Variants in PPP3CC observed in about 807,000 individuals in gnomAD.
PPP3CC encodes serine/threonine-protein phosphatase 2B catalytic subunit gamma isoform.
PPP3CC carries 35 observed loss-of-function variants against 60.3 expected under a neutral mutation model. That is an observed-to-expected ratio of 0.58 (90% CI 0.44 to 0.77). The LOEUF is 0.77. PPP3CC is among the 30% of genes least tolerant of loss of function. The pLI is 0.00. For missense variants in PPP3CC, 570 were observed against 628.9 expected (o/e 0.91, Z 1.00); for synonymous variants, 206 against 224.3 (o/e 0.92, Z 0.73).
intron 1 of PPP3CC, among the ~76,000 whole-genome samples, chr8:22,461,215 T>C (rs964074810): frequency 6.6e-6 from 1 of 152,168 alleles, no homozygotes; most frequent in Non-Finnish European, 1.5e-5. Context: ...ATGAAGTTTG[T>C]TTTTAATGAT....
At chr8:22,538,077 G>A (rs1423519704) in intron 12 of PPP3CC, among the ~76,000 whole-genome samples, 1 of 152,168 alleles carries the variant, frequency 6.6e-6, no homozygotes, top group African/African-American at 2.4e-5. Flanking sequence ...CAGTTAAGAT[G>A]TTAAAAAGGA....
chr8:22,473,473 T>TG (rs1837792414), intron 1 of PPP3CC, among the ~76,000 whole-genome samples: 1 of 151,902 alleles, frequency 6.6e-6, no homozygotes, highest in South Asian at 2.1e-4. Context: ...ATCCACTTTT[T>TG]TTTTTTTTGA....
At chr8:22,443,679 A>G (rs549026267) in intron 1 of PPP3CC, among the ~76,000 whole-genome samples, 1 of 152,334 alleles carries the variant, frequency 6.6e-6, no homozygotes, top group Non-Finnish European at 1.5e-5. Flanking sequence ...AATAAATGAA[A>G]TAGAAATAAT....
At chr8:22,471,109 AT>A (rs1286913875) in intron 1 of PPP3CC, among the ~76,000 whole-genome samples, 2 of 152,106 alleles carry the variant, frequency 1.3e-5, no homozygotes, top group Non-Finnish European at 2.9e-5. Flanking sequence ...TTCACCCCCA[AT>A]TTTTTAACTT....
intron 1 of PPP3CC, among the ~76,000 whole-genome samples, chr8:22,463,153 G>T (rs1437557620): frequency 1.3e-5 from 2 of 152,158 alleles, no homozygotes; most frequent in Non-Finnish European, 2.9e-5. Flanking sequence ...AATGCCAAGA[G>T]AATAAAGGAC....
At chr8:22,453,987 C>T (rs1327313815) in intron 1 of PPP3CC, among the ~76,000 whole-genome samples, 2 of 152,084 alleles carry the variant, frequency 1.3e-5, no homozygotes, top group Admixed American at 6.5e-5. Context: ...TGTAGAACAC[C>T]GCAGGCTTTA....
At chr8:22,499,056 G>A (rs1838680622) in intron 4 of PPP3CC, among the ~76,000 whole-genome samples, 2 of 151,476 alleles carry the variant, frequency 1.3e-5, no homozygotes, top group Admixed American at 1.3e-4. Context: ...CCCGGGAGAT[G>A]GAGGTTGTGG....
intron 6 of PPP3CC, among the ~76,000 whole-genome samples, chr8:22,514,815 G>A (rs923252080): frequency 1.3e-5 from 2 of 151,508 alleles, no homozygotes; most frequent in Admixed American, 1.3e-4. Context: ...TGAGTACTGG[G>A]ATTACAGGCA....
chr8:22,490,578 A>G (rs1265524005), intron 3 of PPP3CC, among the ~76,000 whole-genome samples: 1 of 150,576 alleles, frequency 6.6e-6, no homozygotes, highest in African/African-American at 2.4e-5. Flanking sequence ...CATTAGGTAT[A>G]TCTCCTAATG....
Position 22,498,090 on chromosome 8 carries a change from C to G in PPP3CC, c.462C>G (p.Asp154Glu). 6.2e-7 allele frequency: 1 copy of G among 1,609,798 alleles called. No individual in the cohort carries two copies. Among genetic ancestry groups the G allele is most frequent in the South Asian group, 1.1e-5 (1 of 90,884 alleles). The change falls in exon 4 of 14, where the codon GAC becomes GAG. Residue 154 changes from aspartate (D) to glutamate (E), a missense_variant. Asp to Glu is a conservative substitution (Grantham distance 45). Transcript: ENST00000240139. ...ATCATGAATGCAGGCATCTTACAGACTATTTCACCTTCAAACAGGAATGTA... is the reference window on the plus strand; with the variant it reads ...ATCATGAATGCAGGCATCTTACAGAGTATTTCACCTTCAAACAGGAATGTA... ...RGNHECRHLTDYFTFKQECRI... is the reference protein window; with the variant it reads ...RGNHECRHLTEYFTFKQECRI...
chr8:22,460,429 T>G (rs1410743461), intron 1 of PPP3CC, among the ~76,000 whole-genome samples: 1 of 151,318 alleles, frequency 6.6e-6, no homozygotes, highest in African/African-American at 2.4e-5. Flanking sequence ...TGTCCTCAAG[T>G]GATTTTCCCA....
At chr8:22,530,143 T>C (rs1185850733) in intron 10 of PPP3CC, among the ~76,000 whole-genome samples, 1 of 152,204 alleles carries the variant, frequency 6.6e-6, no homozygotes, top group Non-Finnish European at 1.5e-5. Context: ...ATCAACAGCA[T>C]ATGCAAGATA....
chr8:22,535,593 T>G (rs1047967345), intron 12 of PPP3CC, among the ~76,000 whole-genome samples: 3 of 152,118 alleles, frequency 2.0e-5, no homozygotes, highest in Admixed American at 1.3e-4. Context: ...GTTGCTGGGC[T>G]CCAGCAATCC....
At chr8:22,528,641 GT>G in intron 10 of PPP3CC, 64 bp downstream of exon 10, 1 of 1,177,978 alleles carries the variant, frequency 8.5e-7, no homozygotes, top group Non-Finnish European at 1.2e-6. Context: ...AGTTGTTTTA[GT>G]TTATTTTGAA....
intron 6 of PPP3CC, among the ~76,000 whole-genome samples, chr8:22,518,570 T>C (rs1185100290): frequency 6.6e-6 from 1 of 152,202 alleles, no homozygotes; most frequent in Non-Finnish European, 1.5e-5. Context: ...CAAAAAGTTT[T>C]GTATATGCGT....
At chr8:22,477,937 G>A (rs1425691489) in intron 3 of PPP3CC, among the ~76,000 whole-genome samples, 3 of 152,228 alleles carry the variant, frequency 2.0e-5, no homozygotes, top group South Asian at 4.1e-4. Flanking sequence ...CGCAACGTCC[G>A]CCTCCCAGGT....
At chr8:22,506,025 C>T (rs1838907008) in intron 4 of PPP3CC, among the ~76,000 whole-genome samples, 1 of 151,742 alleles carries the variant, frequency 6.6e-6, no homozygotes, top group Non-Finnish European at 1.5e-5. Flanking sequence ...AGCCTAGTAC[C>T]CAGTAGTTAT....
chr8:22,452,420 C>T lies in PPP3CC; in HGVS notation c.49+10962C>T, dbSNP rs536486255. On this transcript the variant is annotated intron_variant, in intron 1 of 13. Coordinates refer to ENST00000240139, the MANE Select transcript of PPP3CC (RefSeq NM_005605.5). ...GGGGACTTCTGAGAAGCTTTTTCTTCTCTGCTAAGAAGCTGTGGAGAGTAA... is the reference window on the plus strand; with the variant it reads ...GGGGACTTCTGAGAAGCTTTTTCTTTTCTGCTAAGAAGCTGTGGAGAGTAA... 7.2e-5 allele frequency among the ~76,000 whole-genome samples: 11 copies of T among 152,144 alleles called. No individual in the cohort carries two copies. In the East Asian group the frequency reaches 2.1e-3, roughly 29 times the overall value.
At chr8:22,484,906 C>T (rs1473271084) in intron 3 of PPP3CC, among the ~76,000 whole-genome samples, 2 of 152,144 alleles carry the variant, frequency 1.3e-5, no homozygotes, top group Non-Finnish European at 2.9e-5. Context: ...GAGGGGAAAG[C>T]TCTAGAGAGG....
Sources: allele counts gnomAD v4.1 joint callset (sites outside exome capture counted in the v4.1 genomes callset), GRCh38; gene constraint gnomAD v4.1.1; transcripts MANE v1.5; gene names NCBI Gene and HGNC (gene_info 2026-07-23, HGNC 2026-07-21).